Variants in KLHL1 observed in about 807,000 individuals in gnomAD.
The protein encoded by KLHL1 is kelch like family member 1.
Under a neutral mutation model 77.7 loss-of-function variants are expected in KLHL1, and 47 were observed. That is an observed-to-expected ratio of 0.60 (90% CI 0.48 to 0.77). KLHL1 has a LOEUF of 0.77. Among genes scored for constraint, KLHL1 ranks in the 30% least tolerant of loss-of-function variants. The pLI, the probability that KLHL1 is intolerant of heterozygous loss-of-function variation, is 0.00. For missense variants in KLHL1, 925 were observed against 910.8 expected (o/e 1.02, Z -0.20); for synonymous variants, 360 against 325.2 (o/e 1.11, Z -1.15).
chr13:70,023,402 C>T (rs1885851279), intron 1 of KLHL1, among the ~76,000 whole-genome samples: 2 of 151,918 alleles, frequency 1.3e-5, no homozygotes, highest in African/African-American at 4.8e-5. Context: ...ATTTTGGTAT[C>T]AGTTCCTTAA....
At chr13:70,077,578 C>CTGTATGTATTAT (rs1887294881) in intron 1 of KLHL1, among the ~76,000 whole-genome samples, 1 of 151,854 alleles carries the variant, frequency 6.6e-6, no homozygotes, top group African/African-American at 2.4e-5. Context: ...AAAGTGCAAA[C>CTGTATGTATTAT]CCATAGATTT....
chr13:70,036,430 A>G (rs934331487), intron 1 of KLHL1, among the ~76,000 whole-genome samples: 1 of 151,996 alleles, frequency 6.6e-6, no homozygotes, highest in East Asian at 1.9e-4. Context: ...ATTTTGTCCC[A>G]AATATAATAA....
At chr13:69,853,651 A>G (rs1456566304) in intron 5 of KLHL1, among the ~76,000 whole-genome samples, 1 of 152,052 alleles carries the variant, frequency 6.6e-6, no homozygotes, top group Non-Finnish European at 1.5e-5. Context: ...TTAAAGTGGT[A>G]TTCACCAGTG....
intron 7 of KLHL1, among the ~76,000 whole-genome samples, chr13:69,774,080 C>T (rs138553073): frequency 1.4e-3 from 208 of 151,706 alleles, no homozygotes; most frequent in Non-Finnish European, 1.8e-3. Flanking sequence ...TACCAAGTGA[C>T]GAAAAAATCC....
intron 1 of KLHL1, among the ~76,000 whole-genome samples, chr13:69,976,395 T>A (rs1389126018): frequency 6.6e-6 from 1 of 152,088 alleles, no homozygotes; most frequent in African/African-American, 2.4e-5. Flanking sequence ...ATAACTTTAA[T>A]CATTAATAGA....
chr13:70,055,091 A>C (rs1234917234), intron 1 of KLHL1, among the ~76,000 whole-genome samples: 2 of 152,124 alleles, frequency 1.3e-5, no homozygotes, highest in African/African-American at 2.4e-5. Context: ...GACATCAAGC[A>C]GACTTAACCC....
chr13:69,707,775 A>G lies in KLHL1; in HGVS notation c.2037T>C (p.Thr679=), dbSNP rs778200785. The change falls in exon 10 of 11, where the codon ACT becomes ACC. Residue 679 remains threonine, a synonymous_variant. Coordinates refer to ENST00000377844, the MANE Select transcript of KLHL1 (RefSeq NM_020866.3). ...TACTCAAAGGAGCCACCATGGTCCA[A>G]GTGTCTGTTTTGGGATCATATCTAA... The part of the protein sequence containing the change: ...YVERYDPKTD[T]WTMVAPLSMP... 8.1e-6 allele frequency: 13 copies of G among 1,612,598 alleles called. No individual in the cohort carries two copies. In the South Asian group the frequency reaches 1.2e-4, roughly 15 times the overall value.
At position 70,081,448 on chromosome 13, in the gene KLHL1, G is replaced by A. The variant is rs1422745667; in HGVS notation, c.497+25755C>T. On this transcript the variant is annotated intron_variant, in intron 1 of 10. Transcript: ENST00000377844. ...AGAATATACTTAGTAACTTATTCCAGTGCATCACAAAATTCATTTCCTTGC... is the reference window on the plus strand; with the variant it reads ...AGAATATACTTAGTAACTTATTCCAATGCATCACAAAATTCATTTCCTTGC... Among the ~76,000 whole-genome samples the A allele has an allele frequency of 3.3e-5, 5 of 152,084 alleles. No homozygotes were observed. The South Asian group carries it at 8.3e-4, about 25-fold the overall frequency.
intron 8 of KLHL1, among the ~76,000 whole-genome samples, chr13:69,737,591 T>C (rs1179191915): frequency 6.6e-6 from 1 of 152,186 alleles, no homozygotes; most frequent in African/African-American, 2.4e-5. Flanking sequence ...GGGAGCAAAC[T>C]TCTCACAGGG....
intron 4 of KLHL1, among the ~76,000 whole-genome samples, chr13:69,889,114 G>C (rs1267052427): frequency 6.6e-6 from 1 of 151,896 alleles, no homozygotes; most frequent in East Asian, 1.9e-4. Flanking sequence ...AGTTGAGAAA[G>C]ACATCTCCCT....
intron 7 of KLHL1, among the ~76,000 whole-genome samples, chr13:69,784,882 A>ATT (rs775109435): frequency 0.1 from 7,920 of 79,306 alleles, 1,172 homozygotes; most frequent in Non-Finnish European, 0.12. Context: ...CAGAATATAC[A>ATT]TTTTTTTTTT....
At chr13:70,056,538 C>G (rs1166457169) in intron 1 of KLHL1, among the ~76,000 whole-genome samples, 1 of 152,088 alleles carries the variant, frequency 6.6e-6, no homozygotes, top group Non-Finnish European at 1.5e-5. Context: ...TTTTCCTTAG[C>G]TCATAAAACA....
intron 3 of KLHL1, among the ~76,000 whole-genome samples, chr13:69,947,764 A>C (rs1350709563): frequency 6.6e-6 from 1 of 152,184 alleles, no homozygotes. Flanking sequence ...GTCAAGCTTC[A>C]ATGCACACAA....
At chr13:69,758,376 A>AT (rs1428422311) in intron 7 of KLHL1, among the ~76,000 whole-genome samples, 16 of 151,974 alleles carry the variant, frequency 1.1e-4, no homozygotes, top group Admixed American at 8.5e-4. Flanking sequence ...AGTTCTTATA[A>AT]TTTTTTTCTG....
At chr13:70,086,593 AGAAAGAAAGAAAGAAAG>A (rs1887545968) in intron 1 of KLHL1, among the ~76,000 whole-genome samples, 19 of 52,496 alleles carry the variant, frequency 3.6e-4, no homozygotes, top group African/African-American at 4.9e-4. Context: ...AAAAAAAAAA[AGAAAGAAAGAAAGAAAG>A]AAAGAAAGAA....
chr13:69,858,915 G>C (rs1271528458), intron 5 of KLHL1, among the ~76,000 whole-genome samples: 1 of 151,968 alleles, frequency 6.6e-6, no homozygotes, highest in African/African-American at 2.4e-5. Flanking sequence ...ATCAAAATAA[G>C]ACATTCTATT....
At chr13:69,784,238 A>T (rs1413481804) in intron 7 of KLHL1, among the ~76,000 whole-genome samples, 2 of 152,198 alleles carry the variant, frequency 1.3e-5, no homozygotes, top group Non-Finnish European at 1.5e-5. Context: ...ACATGCCAAA[A>T]TGTAAAGACC....
chr13:69,724,843 A>C (rs1348033133), intron 8 of KLHL1, among the ~76,000 whole-genome samples: 2 of 152,178 alleles, frequency 1.3e-5, no homozygotes, highest in Non-Finnish European at 2.9e-5. Context: ...GGCCTCAATA[A>C]GAAAATTAAT....
At chr13:69,825,392 C>T (rs1878505321) in intron 6 of KLHL1, among the ~76,000 whole-genome samples, 3 of 151,884 alleles carry the variant, frequency 2.0e-5, no homozygotes, top group Admixed American at 6.6e-5. Flanking sequence ...AGTATACTGG[C>T]AAGAAATTTT....
Sources: allele counts gnomAD v4.1 joint callset (sites outside exome capture counted in the v4.1 genomes callset), GRCh38; gene constraint gnomAD v4.1.1; transcripts MANE v1.5; gene names NCBI Gene and HGNC (gene_info 2026-07-23, HGNC 2026-07-21).